Variants in NEB observed in about 807,000 individuals in gnomAD.
NEB encodes the protein nemaline myopathy type 2.
A neutral mutation model predicts 952.2 loss-of-function variants in NEB; 512 were observed. The ratio of observed to expected loss-of-function variants is 0.54; its 90% CI spans 0.50 to 0.58. The LOEUF is 0.58. Ranked by LOEUF, NEB falls within the 20% of genes least tolerant of loss-of-function variation. The probability of loss-of-function intolerance (pLI) is 0.00; values close to 1 mark genes in which losing one functional copy is unlikely to be tolerated. For missense variants in NEB, 8,428 were observed against 9,231.1 expected, an observed-to-expected ratio of 0.91 and a Z score of 3.56; for synonymous variants, 2,900 against 3,149.8, an observed-to-expected ratio of 0.92 and a Z score of 2.66.
At chr2:151,549,373 T>G (rs1196896552) in intron 130 of NEB, among the ~76,000 whole-genome samples, 1 of 152,178 alleles carries the variant, frequency 6.6e-6, no homozygotes, top group Non-Finnish European at 1.5e-5. Flanking sequence ...AGTAGAGGCA[T>G]CATGACAGCC....
rs112288851 is a variant in NEB, at chr2:151,724,245, G to A, written c.612+15C>T. ...GACATAGGAAGACAGAAGTGGCAATGGAGCAGACCCTTACCTTGCTGAACA... is the reference window on the plus strand; with the variant it reads ...GACATAGGAAGACAGAAGTGGCAATAGAGCAGACCCTTACCTTGCTGAACA... On this transcript the variant is annotated intron_variant, in intron 8 of 181. Transcript: ENST00000397345. 1,238 of 1,595,972 alleles carry A rather than the reference G, an allele frequency of 7.8e-4. 8 individuals carry two copies. The African/African-American group carries it at 0.012, about 16-fold the overall frequency.
At position 151,616,079 on chromosome 2, in the gene NEB, T is replaced by C. The variant is rs1440665387; in HGVS notation, c.11212A>G (p.Lys3738Glu). 5 of 1,612,956 alleles carry C rather than the reference T, an allele frequency of 3.1e-6. No homozygotes were observed. The South Asian group carries it at 5.5e-5, about 18-fold the overall frequency. Residue 3738 changes from lysine (K) to glutamate (E), a missense_variant, in exon 76 of 182, where the codon AAG (lysine) becomes GAG (glutamate). Coordinates refer to ENST00000397345, the MANE Select transcript of NEB (RefSeq NM_001164508.2). ...AGACGCAAGTCATAGCCTTCCTTCT[T>C]GGACTCTTCCAAAGCAAGTTTATAG... Reference protein sequence around the residue: ...KLYKLALEESKKEGYDLRLDA... With the variant: ...KLYKLALEESEKEGYDLRLDA...
Position 151,650,716 on chromosome 2 carries a change from T to C in NEB, c.7085A>G (p.Asp2362Gly). Residue 2362 changes from aspartate (D) to glycine (G), a missense_variant, in exon 53 of 182, where the codon GAC becomes GGC. Transcript: ENST00000397345. ...KWKTKFSSPVDMLGVVLAKKC... is the reference protein window; with the variant it reads ...KWKTKFSSPVGMLGVVLAKKC... ...CTTGGCCAGTACCACTCCCAACATGTCCACTGGGCTGGAGAACTTAGTTTT... is the reference window on the plus strand; with the variant it reads ...CTTGGCCAGTACCACTCCCAACATGCCCACTGGGCTGGAGAACTTAGTTTT... 1 of 1,613,964 alleles carries C rather than the reference T, an allele frequency of 6.2e-7. No homozygotes were observed. Among genetic ancestry groups the C allele is most frequent in the Non-Finnish European group, 8.5e-7 (1 of 1,179,854 alleles).
At chr2:151,701,434 G>A (rs2099667786) in intron 13 of NEB, among the ~76,000 whole-genome samples, 1 of 148,786 alleles carries the variant, frequency 6.7e-6, no homozygotes. Flanking sequence ...AGTTTCAGAA[G>A]GAATGGTACC....
At chr2:151,507,138 A>G (rs1559349446) in intron 162 of NEB, 125 bp from the exon 163 acceptor site, 2 of 620,700 alleles carry the variant, frequency 3.2e-6, no homozygotes, top group South Asian at 4.2e-5. Context: ...CACAATAATT[A>G]TGGTCTGGTA....
intron 124 of NEB, among the ~76,000 whole-genome samples, chr2:151,555,990 A>C (rs2095627933): frequency 6.6e-6 from 1 of 152,172 alleles, no homozygotes; most frequent in South Asian, 2.1e-4. Context: ...ATTTGCCAAG[A>C]ATCTTGCCTC....
chr2:151,722,694 C>T lies in NEB; in HGVS notation c.717+688G>A, dbSNP rs192120847. 1.8e-3 allele frequency among the ~76,000 whole-genome samples: 274 copies of T among 152,188 alleles called. 1 individual carries two copies. Among genetic ancestry groups the T allele is most frequent in the Middle Eastern group, 0.014 (4 of 294 alleles). Reference sequence around the variant, plus strand: ...GAGTAGCTGAGACTACAGGCATGCACCCCCACACTTGGCTAATTTTTTAAA... The same window carrying T: ...GAGTAGCTGAGACTACAGGCATGCATCCCCACACTTGGCTAATTTTTTAAA... On this transcript the variant is annotated intron_variant, in intron 9 of 181. Coordinates refer to ENST00000397345, the MANE Select transcript of NEB (RefSeq NM_001164508.2).
At chr2:151,527,276 C>T (rs539372339) in intron 147 of NEB, among the ~76,000 whole-genome samples, 3 of 152,252 alleles carry the variant, frequency 2.0e-5, no homozygotes, top group East Asian at 3.9e-4. Flanking sequence ...TCATTTGTGT[C>T]CAGGCCCAGC....
At chr2:151,671,572 T>C (rs549733394) in intron 37 of NEB, among the ~76,000 whole-genome samples, 2 of 152,276 alleles carry the variant, frequency 1.3e-5, no homozygotes, top group Admixed American at 6.5e-5. Flanking sequence ...CCTAATAAAA[T>C]AGAAATGATC....
chr2:151,494,112 AAG>A (rs534213069), intron 174 of NEB, 47 bp downstream of exon 174: 28 of 1,479,444 alleles, frequency 1.9e-5, no homozygotes, highest in Non-Finnish European at 2.4e-5. Flanking sequence ...GCCAAACTGC[AAG>A]AGTTATTTTG....
chr2:151,667,675 A>C (rs2099237146), intron 40 of NEB, 129 bp downstream of exon 40: 5 of 574,020 alleles, frequency 8.7e-6, no homozygotes, highest in Non-Finnish European at 1.5e-5. Flanking sequence ...CTACAGGTAC[A>C]CGCCACCACA....
Position 151,624,085 on chromosome 2 carries a change from G to C in NEB, c.10452+1449C>G, listed in dbSNP as rs2098471304. Among the ~76,000 whole-genome samples the C allele has an allele frequency of 2.0e-5, 3 of 152,300 alleles. No homozygotes were observed. In the South Asian group the frequency reaches 6.2e-4, roughly 32 times the overall value. ...GAAGGAACCACGGGCAATGGGTTGA[G>C]AAGAAATTCTAGTGGGCCATTCTGA... On this transcript the variant is annotated intron_variant, in intron 71 of 181. Coordinates refer to ENST00000397345, the MANE Select transcript of NEB (RefSeq NM_001164508.2).
chr2:151,492,595 T>G, intron 176 of NEB, 101 bp from the exon 177 acceptor site: 1 of 811,374 alleles, frequency 1.2e-6, no homozygotes, highest in Non-Finnish European at 1.9e-6. Context: ...GAGGGACGCT[T>G]GGGTCAACTG....
At chr2:151,549,850 C>A in intron 129 of NEB, 110 bp from the exon 130 acceptor site, 1 of 642,790 alleles carries the variant, frequency 1.6e-6, no homozygotes, top group South Asian at 1.9e-5. Context: ...ATACTTAATA[C>A]ACTTATGCTC....
Position 151,643,459 on chromosome 2 carries a change from C to T in NEB, c.7957-106G>A, listed in dbSNP as rs116340937. ...CCCCTAAATAAAAGTTCATATTATACTCTATATTTTTAATACTTGAATTAT... is the reference window on the plus strand; with the variant it reads ...CCCCTAAATAAAAGTTCATATTATATTCTATATTTTTAATACTTGAATTAT... On this transcript the variant is annotated intron_variant, in intron 57 of 181. Transcript: ENST00000397345. 624 of 972,018 alleles carry T rather than the reference C, an allele frequency of 6.4e-4. 6 individuals carry two copies. In the African/African-American group the frequency reaches 8.7e-3, roughly 14 times the overall value. 60.2% of individuals were successfully genotyped at this position (972,018 alleles called of 1,614,324 possible). A position where few individuals can be genotyped will look rare whatever the true frequency, so the allele number is the denominator to read the frequency against.
At chr2:151,684,354 T>C (rs1046555897) in intron 28 of NEB, among the ~76,000 whole-genome samples, 1 of 152,206 alleles carries the variant, frequency 6.6e-6, no homozygotes, top group African/African-American at 2.4e-5. Context: ...ATCATATATT[T>C]TCTTTTCAGA....
At chr2:151,724,159 G>C (rs1577878535) in intron 8 of NEB, 101 bp downstream of exon 8, 1 of 924,182 alleles carries the variant, frequency 1.1e-6, no homozygotes, top group Non-Finnish European at 1.7e-6. Context: ...AAAAAGATTG[G>C]GGAATTGTAT....
intron 71 of NEB, among the ~76,000 whole-genome samples, chr2:151,623,544 T>G (rs1301402879): frequency 6.6e-6 from 1 of 152,146 alleles, no homozygotes; most frequent in Admixed American, 6.5e-5. Context: ...CAGATGCATT[T>G]AATATTTTTT....
At chr2:151,595,379 G>C (rs1271194036) in intron 92 of NEB, among the ~76,000 whole-genome samples, 37 of 152,360 alleles carry the variant, frequency 2.4e-4, no homozygotes, top group African/African-American at 7.9e-4. Context: ...AGACTCCTGA[G>C]TAGCTGGGAT....
Sources: gnomAD v4.1 joint callset for allele counts (sites outside exome capture counted in the v4.1 genomes callset) on GRCh38, gnomAD v4.1.1 for gene constraint, MANE v1.5 for transcripts, NCBI Gene and HGNC (gene_info 2026-07-23, HGNC 2026-07-21) for gene names.